The following MAGI2 variants were observed in gnomAD, a reference collection of about 807,000 sequenced individuals.
The protein encoded by MAGI2 is membrane associated guanylate kinase, WW and PDZ domain containing 2, also known as membrane-associated guanylate kinase, WW and PDZ domain-containing protein 2.
A neutral mutation model predicts 133.3 loss-of-function variants in MAGI2; 35 were observed. That is an observed-to-expected ratio of 0.26 (90% CI 0.20 to 0.35). The LOEUF (loss-of-function observed/expected upper bound fraction) is 0.35. MAGI2 is among the 10% of genes least tolerant of loss of function. MAGI2 has a pLI of 1.00. For synonymous variants in MAGI2, 729 were observed against 710.6 expected (o/e 1.03, Z -0.41); for missense variants, 1,636 against 1,863.4 (o/e 0.88, Z 2.25).
intron 1 of MAGI2, among the ~76,000 whole-genome samples, chr7:79,304,638 C>G (rs1391662736): frequency 1.3e-5 from 2 of 152,120 alleles, no homozygotes; most frequent in African/African-American, 4.8e-5. Flanking sequence ...GTTTCTAAGG[C>G]TAAAAAGAAA....
intron 1 of MAGI2, among the ~76,000 whole-genome samples, chr7:79,103,876 T>TGC (rs1818211815): frequency 1.3e-5 from 2 of 151,234 alleles, no homozygotes; most frequent in African/African-American, 4.9e-5. Context: ...ATTTTTTTTA[T>TGC]ATTTTTAGTA....
At chr7:78,063,837 C>T (rs1813534494) in intron 21 of MAGI2, among the ~76,000 whole-genome samples, 1 of 152,050 alleles carries the variant, frequency 6.6e-6, no homozygotes, top group Non-Finnish European at 1.5e-5. Context: ...TAATTATCTC[C>T]CTGTCTTCCA....
At chr7:78,563,960 T>C (rs1584650672) in intron 3 of MAGI2, among the ~76,000 whole-genome samples, 1 of 152,206 alleles carries the variant, frequency 6.6e-6, no homozygotes, top group East Asian at 1.9e-4. Flanking sequence ...TAAATTGGAT[T>C]AGATCAAAGT....
rs552121885 is a variant in MAGI2, at chr7:78,389,234, T to C, written c.1046-20021A>G. 3.3e-5 allele frequency among the ~76,000 whole-genome samples: 5 copies of C among 152,214 alleles called. No homozygotes were observed. The East Asian group carries it at 7.7e-4, about 23-fold the overall frequency. ...TGGTTCTGCAGTGAGAAGCGAGAGT[T>C]GAAAAACTCAGTAGGACCAGATGCC... is the stretch of plus-strand genomic sequence containing the variant. On this transcript the variant is annotated intron_variant, in intron 6 of 21. Transcript: ENST00000354212.
intron 1 of MAGI2, among the ~76,000 whole-genome samples, chr7:79,130,697 T>C (rs1270493728): frequency 1.3e-5 from 2 of 152,240 alleles, no homozygotes; most frequent in Admixed American, 6.5e-5. Context: ...AAATTTCAAA[T>C]GTTGTTAACT....
At chr7:78,564,643 A>C (rs946064895) in intron 3 of MAGI2, among the ~76,000 whole-genome samples, 5 of 152,162 alleles carry the variant, frequency 3.3e-5, no homozygotes, top group African/African-American at 4.8e-5. Context: ...AAATGACCTC[A>C]AAATATGTTA....
intron 2 of MAGI2, among the ~76,000 whole-genome samples, chr7:78,900,641 C>T (rs900573081): frequency 6.6e-6 from 1 of 152,142 alleles, no homozygotes; most frequent in Non-Finnish European, 1.5e-5. Flanking sequence ...TGTTGTCACC[C>T]CTATGCCAAC....
chr7:78,191,951 G>C (rs1828253519), intron 12 of MAGI2, among the ~76,000 whole-genome samples: 1 of 152,098 alleles, frequency 6.6e-6, no homozygotes, highest in Non-Finnish European at 1.5e-5. Flanking sequence ...CATTTGTAGG[G>C]GACTGGTGAC....
chr7:78,436,943 G>A (rs1174194876), intron 6 of MAGI2, among the ~76,000 whole-genome samples: 4 of 152,158 alleles, frequency 2.6e-5, no homozygotes, highest in Non-Finnish European at 4.4e-5. Context: ...TATGATTGTG[G>A]GGTGGCAGGG....
chr7:78,369,074 G>A, intron 7 of MAGI2, 82 bp downstream of exon 7: 1 of 971,306 alleles, frequency 1.0e-6, no homozygotes, highest in Non-Finnish European at 1.5e-6. Flanking sequence ...GGGGCTGTGA[G>A]CCACACATGC....
At chr7:78,188,136 C>G (rs897882044) in intron 12 of MAGI2, among the ~76,000 whole-genome samples, 2 of 152,256 alleles carry the variant, frequency 1.3e-5, no homozygotes, top group East Asian at 3.9e-4. Context: ...TTTGCTATCT[C>G]TATATTACTT....
At chr7:78,622,305 A>G (rs1807832743) in intron 3 of MAGI2, among the ~76,000 whole-genome samples, 3 of 152,006 alleles carry the variant, frequency 2.0e-5, no homozygotes, top group African/African-American at 7.2e-5. Context: ...TCTTTGGTGT[A>G]TTCACAGAAT....
intron 1 of MAGI2, among the ~76,000 whole-genome samples, chr7:79,281,290 G>T (rs1835620995): frequency 6.6e-6 from 1 of 152,114 alleles, no homozygotes; most frequent in Non-Finnish European, 1.5e-5. Flanking sequence ...ATAGATCTAG[G>T]GTTGAAGCTA....
chr7:78,636,285 T>C (rs896721779), intron 2 of MAGI2, among the ~76,000 whole-genome samples: 1 of 152,092 alleles, frequency 6.6e-6, no homozygotes, highest in Non-Finnish European at 1.5e-5. Context: ...AGATAACATG[T>C]TGTCAATTTT....
intron 5 of MAGI2, among the ~76,000 whole-genome samples, chr7:78,497,033 C>G (rs1430019362): frequency 6.6e-6 from 1 of 152,114 alleles, no homozygotes; most frequent in African/African-American, 2.4e-5. Flanking sequence ...AACAGATGAA[C>G]TATTGTTGTT....
intron 5 of MAGI2, 95 bp downstream of exon 5, chr7:78,501,482 T>C (rs1308265191): frequency 2.8e-6 from 3 of 1,066,676 alleles, no homozygotes; most frequent in Non-Finnish European, 4.0e-6. Context: ...TCATGTTTTT[T>C]TCTTTTTTTT....
chr7:79,340,616 T>A (rs1483350368), intron 1 of MAGI2, among the ~76,000 whole-genome samples: 2 of 152,182 alleles, frequency 1.3e-5, no homozygotes, highest in East Asian at 3.8e-4. Flanking sequence ...AATAGGATTT[T>A]GGTATTAATT....
chr7:79,141,773 G>T (rs1031940081), intron 1 of MAGI2, among the ~76,000 whole-genome samples: 3 of 151,740 alleles, frequency 2.0e-5, no homozygotes, highest in Non-Finnish European at 4.4e-5. Flanking sequence ...AGATCTGGAA[G>T]AGTTGCCATG....
chr7:78,042,278 G>A (rs1353606221), intron 21 of MAGI2, among the ~76,000 whole-genome samples: 5 of 152,202 alleles, frequency 3.3e-5, no homozygotes, highest in Admixed American at 2.6e-4. Context: ...GCTTTGATGA[G>A]TTACCCAAAG....
Sources: allele counts gnomAD v4.1 joint callset (sites outside exome capture counted in the v4.1 genomes callset), GRCh38; gene constraint gnomAD v4.1.1; transcripts MANE v1.5; gene names NCBI Gene and HGNC (gene_info 2026-07-23, HGNC 2026-07-21).